The following STARD13 variants were observed in gnomAD, a reference collection of about 807,000 sequenced individuals.
The protein encoded by STARD13 is StAR related lipid transfer domain containing 13.
In STARD13, 62 loss-of-function variants were observed where a neutral mutation model predicts 106.4. The ratio of observed to expected loss-of-function variants is 0.58; its 90% CI spans 0.48 to 0.72. The LOEUF (loss-of-function observed/expected upper bound fraction) is 0.72. Ranked by LOEUF, STARD13 falls within the 30% of genes least tolerant of loss-of-function variation. The probability of loss-of-function intolerance (pLI) is 0.00; values close to 1 mark genes in which losing one functional copy is unlikely to be tolerated. For missense variants in STARD13, 1,387 were observed against 1,424.0 expected (o/e 0.97, Z 0.42); for synonymous variants, 565 against 553.0 (o/e 1.02, Z -0.31).
chr13:33,110,077 T>A lies in STARD13; in HGVS notation c.2843A>T (p.Asn948Ile). ...AGAAGCCTTCCACAGCTTCAGCGGG[T>A]TCCCGTCGCCCACCTTGGGAAAGAC... ...DLAFKKVGDG[N>I]PLKLWKASVE... The change falls in exon 12 of 14, where the codon AAC (asparagine) becomes ATC (isoleucine). Residue 948 changes from asparagine (N) to isoleucine (I), a missense_variant. Transcript: ENST00000336934. 1 of 1,614,158 alleles carries A rather than the reference T, an allele frequency of 6.2e-7. No homozygotes were observed. Among genetic ancestry groups the A allele is most frequent in the Non-Finnish European group, 8.5e-7 (1 of 1,180,020 alleles).
the STARD13 span, among the ~76,000 whole-genome samples, chr13:33,484,112 C>A: frequency 1.3e-5 from 2 of 152,330 alleles, no homozygotes; most frequent in Middle Eastern, 6.8e-3. Context: ...GAGACCCAAT[C>A]AAACCAACTC....
intron 1 of STARD13, among the ~76,000 whole-genome samples, chr13:33,243,828 G>A (rs1889684809): frequency 6.6e-6 from 1 of 152,146 alleles, no homozygotes; most frequent in Non-Finnish European, 1.5e-5. Flanking sequence ...GCCCAGGTCT[G>A]GCACCTGTAA....
At chr13:33,630,973 C>A in the STARD13 span, among the ~76,000 whole-genome samples, 3 of 152,168 alleles carry the variant, frequency 2.0e-5, no homozygotes, top group Non-Finnish European at 4.4e-5. Flanking sequence ...CATTATGAAT[C>A]CCTTTGAGAT....
intron 1 of STARD13, among the ~76,000 whole-genome samples, chr13:33,342,915 C>T (rs374141011): frequency 1.4e-4 from 21 of 152,296 alleles, no homozygotes; most frequent in African/African-American, 4.8e-4. Context: ...AACCAAAGAG[C>T]CCCCCAGGAC....
intron 1 of STARD13, among the ~76,000 whole-genome samples, chr13:33,235,479 A>G (rs763766603): frequency 2.0e-5 from 3 of 152,238 alleles, no homozygotes; most frequent in Non-Finnish European, 4.4e-5. Flanking sequence ...ATGAAATAAA[A>G]TATTATTTTT....
At chr13:33,476,552 A>G in the STARD13 span, among the ~76,000 whole-genome samples, 5 of 152,200 alleles carry the variant, frequency 3.3e-5, no homozygotes, top group African/African-American at 9.6e-5. Context: ...TACCATTACC[A>G]TTTTTGTAAT....
chr13:33,274,312 G>A (rs954153357), intron 1 of STARD13, among the ~76,000 whole-genome samples: 1 of 152,022 alleles, frequency 6.6e-6, no homozygotes, highest in African/African-American at 2.4e-5. Context: ...CTTTACAAGA[G>A]GAGATTAAGA....
intron 1 of STARD13, among the ~76,000 whole-genome samples, chr13:33,316,394 C>T (rs1893339400): frequency 6.6e-6 from 1 of 152,192 alleles, no homozygotes; most frequent in Non-Finnish European, 1.5e-5. Context: ...AATAAGCAAT[C>T]TTGGTTCTGA....
At position 33,103,456 on chromosome 13, in the gene STARD13, G is replaced by T. The variant is rs542286085; in HGVS notation, c.*2137C>A. On this transcript the variant is annotated 3_prime_UTR_variant, in exon 14 of 14. Coordinates refer to ENST00000336934, the MANE Select transcript of STARD13 (RefSeq NM_178006.4). ...CAAAAACAAAAAAGTCAGATAATTCGAAGAGAGGGAGAATCAGAAATACAA... is the reference window on the plus strand; with the variant it reads ...CAAAAACAAAAAAGTCAGATAATTCTAAGAGAGGGAGAATCAGAAATACAA... 1 of 152,608 alleles carries T rather than the reference G, an allele frequency of 6.6e-6. No homozygotes were observed. Among genetic ancestry groups the T allele is most frequent in the Non-Finnish European group, 1.5e-5 (1 of 68,032 alleles). 9.5% of individuals were successfully genotyped at this position (152,608 alleles called of 1,614,324 possible). A position where few individuals can be genotyped will look rare whatever the true frequency, so the allele number is the denominator to read the frequency against.
the STARD13 span, among the ~76,000 whole-genome samples, chr13:33,656,471 A>G: frequency 6.6e-6 from 1 of 152,228 alleles, no homozygotes; most frequent in East Asian, 1.9e-4. Context: ...GAAAATCTGG[A>G]CACTTCTCAT....
the STARD13 span, among the ~76,000 whole-genome samples, chr13:33,647,809 C>T: frequency 0.03 from 4,602 of 152,196 alleles, 209 homozygotes; most frequent in African/African-American, 0.11. Context: ...AATAAGCTGA[C>T]GCTTCTCTTT....
the STARD13 span, among the ~76,000 whole-genome samples, chr13:33,585,853 T>C: frequency 6.6e-6 from 1 of 152,210 alleles, no homozygotes; most frequent in Admixed American, 6.5e-5. Flanking sequence ...AAATATTGTA[T>C]GATTTCACTC....
intron 3 of STARD13, among the ~76,000 whole-genome samples, chr13:33,154,256 G>A (rs888435801): frequency 2.6e-5 from 4 of 152,130 alleles, no homozygotes; most frequent in African/African-American, 9.7e-5. Flanking sequence ...ACGCAGCCAG[G>A]GAAGGCCACA....
intron 3 of STARD13, among the ~76,000 whole-genome samples, chr13:33,142,881 C>T (rs192779923): frequency 2.0e-5 from 3 of 152,282 alleles, no homozygotes; most frequent in South Asian, 4.2e-4. Context: ...TACGTTGAAG[C>T]CCTCCATTCA....
rs1488586179 is a variant in STARD13, at chr13:33,105,103, G to A, written c.*490C>T. 2 of 155,750 alleles carry A rather than the reference G, an allele frequency of 1.3e-5. No individual in the cohort carries two copies. Among genetic ancestry groups the A allele is most frequent in the African/African-American group, 4.8e-5 (2 of 41,464 alleles). The allele number at this position is 155,750 out of a possible 1,614,324, so 9.6% of individuals were successfully genotyped here. A position where few individuals can be genotyped will look rare whatever the true frequency, so the allele number is the denominator to read the frequency against. On this transcript the variant is annotated 3_prime_UTR_variant, in exon 14 of 14. Coordinates refer to ENST00000336934, the MANE Select transcript of STARD13 (RefSeq NM_178006.4). Reference sequence around the variant, plus strand: ...TGCACAGCTTACAGGACAGTGGAGAGATGGGGCCCAGAGCCACTTGGAAAG... The same window carrying A: ...TGCACAGCTTACAGGACAGTGGAGAAATGGGGCCCAGAGCCACTTGGAAAG...
At chr13:33,116,376 G>T (rs1434081589) in intron 8 of STARD13, among the ~76,000 whole-genome samples, 3 of 152,106 alleles carry the variant, frequency 2.0e-5, no homozygotes, top group Non-Finnish European at 4.4e-5. Context: ...CAAATTTGTT[G>T]TGTTGGAGTT....
chr13:33,491,116 C>T, the STARD13 span, among the ~76,000 whole-genome samples: 2 of 152,160 alleles, frequency 1.3e-5, no homozygotes, highest in African/African-American at 2.4e-5. Flanking sequence ...GATGGGCAGG[C>T]TGTTTGTAAT....
chr13:33,185,161 G>C (rs982051204), intron 1 of STARD13, among the ~76,000 whole-genome samples: 10 of 152,162 alleles, frequency 6.6e-5, no homozygotes, highest in African/African-American at 2.2e-4. Flanking sequence ...GGTAAATTCT[G>C]ACTGCACTCT....
the STARD13 span, among the ~76,000 whole-genome samples, chr13:33,617,572 C>T: frequency 6.6e-6 from 1 of 152,092 alleles, no homozygotes; most frequent in East Asian, 1.9e-4. Flanking sequence ...GTTCAGCTCA[C>T]CCATATCATC....
Sources: allele counts gnomAD v4.1 joint callset (sites outside exome capture counted in the v4.1 genomes callset), GRCh38; gene constraint gnomAD v4.1.1; transcripts MANE v1.5; gene names NCBI Gene and HGNC (gene_info 2026-07-23, HGNC 2026-07-21).